The following SNTG1 variants were observed in gnomAD, a reference collection of about 807,000 sequenced individuals.
The protein encoded by SNTG1 is gamma-1-syntrophin.
A neutral mutation model predicts 74.7 loss-of-function variants in SNTG1; 39 were observed. That is an observed-to-expected ratio of 0.52 (90% CI 0.40 to 0.68). The LOEUF (loss-of-function observed/expected upper bound fraction) is 0.68. Among genes scored for constraint, SNTG1 ranks in the 30% least tolerant of loss-of-function variants. The probability of loss-of-function intolerance (pLI) is 0.00; values close to 1 mark genes in which losing one functional copy is unlikely to be tolerated. For missense variants in SNTG1, 685 were observed against 609.5 expected, an observed-to-expected ratio of 1.12 and a Z score of -1.30; for synonymous variants, 254 against 217.1, an observed-to-expected ratio of 1.17 and a Z score of -1.49.
chr8:50,109,467 G>A (rs1199730618), intron 1 of SNTG1, among the ~76,000 whole-genome samples: 2 of 152,126 alleles, frequency 1.3e-5, no homozygotes, highest in African/African-American at 4.8e-5. Context: ...TCATAGTGGG[G>A]AAAATTGGTA....
intron 1 of SNTG1, among the ~76,000 whole-genome samples, chr8:49,968,650 G>C (rs1005089666): frequency 6.6e-6 from 1 of 152,156 alleles, no homozygotes; most frequent in Non-Finnish European, 1.5e-5. Context: ...GCTTCAGGAT[G>C]CAGGTTATAC....
At chr8:50,249,225 C>G (rs571387037) in intron 2 of SNTG1, among the ~76,000 whole-genome samples, 1 of 152,318 alleles carries the variant, frequency 6.6e-6, no homozygotes, top group South Asian at 2.1e-4. Flanking sequence ...TGCTGGAAAT[C>G]TGCACAGTTG....
chr8:50,685,653 A>G (rs1389365801), intron 15 of SNTG1, among the ~76,000 whole-genome samples: 2 of 152,180 alleles, frequency 1.3e-5, no homozygotes, highest in Admixed American at 6.5e-5. Context: ...AGAAAATATT[A>G]TTATTAACAG....
intron 1 of SNTG1, among the ~76,000 whole-genome samples, chr8:50,004,735 C>T (rs1030145495): frequency 6.6e-6 from 1 of 152,160 alleles, no homozygotes; most frequent in African/African-American, 2.4e-5. Flanking sequence ...AGTAAACTTC[C>T]TTTGTCTCCT....
chr8:50,040,366 C>T (rs1314748205), intron 1 of SNTG1, among the ~76,000 whole-genome samples: 9 of 151,928 alleles, frequency 5.9e-5, no homozygotes, highest in Non-Finnish European at 1.5e-5. Context: ...AAACTTATAG[C>T]GTGCTTATTT....
intron 1 of SNTG1, among the ~76,000 whole-genome samples, chr8:49,929,805 C>T (rs1023400999): frequency 4.0e-5 from 6 of 151,128 alleles, no homozygotes; most frequent in African/African-American, 9.7e-5. Flanking sequence ...CATGCTGGTG[C>T]GCTGCACCCA....
intron 2 of SNTG1, among the ~76,000 whole-genome samples, chr8:50,243,460 A>C (rs886571203): frequency 3.9e-5 from 6 of 152,106 alleles, no homozygotes; most frequent in African/African-American, 1.4e-4. Flanking sequence ...TACTGTATCC[A>C]TCTTAGAAAT....
intron 1 of SNTG1, among the ~76,000 whole-genome samples, chr8:49,958,540 C>T (rs919685959): frequency 6.6e-6 from 1 of 151,986 alleles, no homozygotes; most frequent in Non-Finnish European, 1.5e-5. Flanking sequence ...TCTGCCTCAG[C>T]CTCCCAAGTA....
chr8:49,960,470 C>T (rs1436368987), intron 1 of SNTG1, among the ~76,000 whole-genome samples: 2 of 151,812 alleles, frequency 1.3e-5, no homozygotes, highest in Non-Finnish European at 2.9e-5. Flanking sequence ...GATTTTGATC[C>T]CACCTTTAGT....
At chr8:50,681,681 A>G (rs2095331536) in intron 15 of SNTG1, among the ~76,000 whole-genome samples, 2 of 152,216 alleles carry the variant, frequency 1.3e-5, no homozygotes, top group South Asian at 2.1e-4. Context: ...ATGAGCCAGC[A>G]ATGCTAAGAA....
chr8:50,115,598 G>T (rs2080791973), intron 1 of SNTG1, among the ~76,000 whole-genome samples: 2 of 86,066 alleles, frequency 2.3e-5, no homozygotes, highest in African/African-American at 6.2e-5. Flanking sequence ...CGAGATGGTT[G>T]AAGGCCTTTG....
chr8:50,448,920 C>T (rs774803492), intron 5 of SNTG1, among the ~76,000 whole-genome samples: 4 of 151,890 alleles, frequency 2.6e-5, no homozygotes, highest in East Asian at 1.9e-4. Flanking sequence ...CCCAGCTACT[C>T]GGGAGGCTGA....
chr8:50,683,056 G>T (rs572365323), intron 15 of SNTG1, among the ~76,000 whole-genome samples: 1 of 151,948 alleles, frequency 6.6e-6, no homozygotes, highest in Admixed American at 6.6e-5. Context: ...TTGCTTTATG[G>T]TTTGTCTTGG....
intron 2 of SNTG1, among the ~76,000 whole-genome samples, chr8:50,246,751 T>C (rs2086418816): frequency 6.6e-6 from 1 of 152,132 alleles, no homozygotes; most frequent in Non-Finnish European, 1.5e-5. Context: ...GATATCATGA[T>C]TTGACCCTCC....
At chr8:50,367,795 G>T (rs540455878) in intron 2 of SNTG1, among the ~76,000 whole-genome samples, 2 of 150,396 alleles carry the variant, frequency 1.3e-5, no homozygotes, top group Non-Finnish European at 3.0e-5. Flanking sequence ...ACACACACAC[G>T]CACACATGCA....
At chr8:50,154,764 C>G (rs1193764588) in intron 1 of SNTG1, among the ~76,000 whole-genome samples, 1 of 152,142 alleles carries the variant, frequency 6.6e-6, no homozygotes, top group African/African-American at 2.4e-5. Flanking sequence ...AAACAAAACA[C>G]CTGAACAAAA....
intron 2 of SNTG1, among the ~76,000 whole-genome samples, chr8:50,348,128 G>A (rs1414468225): frequency 2.0e-5 from 3 of 152,148 alleles, no homozygotes; most frequent in Non-Finnish European, 4.4e-5. Context: ...AGGTACCTAG[G>A]TTAGTTACCA....
chr8:50,058,518 T>A (rs991295378), intron 1 of SNTG1, among the ~76,000 whole-genome samples: 1 of 152,098 alleles, frequency 6.6e-6, no homozygotes, highest in Non-Finnish European at 1.5e-5. Context: ...CTTCAAACAA[T>A]GTCCAACTTT....
intron 2 of SNTG1, among the ~76,000 whole-genome samples, chr8:50,269,461 C>A (rs1030753258): frequency 1.3e-5 from 2 of 151,998 alleles, no homozygotes; most frequent in South Asian, 2.1e-4. Context: ...TGTTACCACT[C>A]GGGGAAATGC....
Sources: gnomAD v4.1 joint callset for allele counts (sites outside exome capture counted in the v4.1 genomes callset) on GRCh38, gnomAD v4.1.1 for gene constraint, MANE v1.5 for transcripts, NCBI Gene and HGNC (gene_info 2026-07-23, HGNC 2026-07-21) for gene names.